The following TLN2 variants were observed in gnomAD, a reference collection of about 807,000 sequenced individuals.
The protein encoded by TLN2 is talin-2.
TLN2 carries 118 observed loss-of-function variants against 294.7 expected under a neutral mutation model. The ratio of observed to expected loss-of-function variants is 0.40; its 90% CI spans 0.34 to 0.47. The LOEUF (loss-of-function observed/expected upper bound fraction) is 0.47, where lower values mean the gene tolerates loss of function less well. Among genes scored for constraint, TLN2 ranks in the 20% least tolerant of loss-of-function variants. The pLI is 0.84. For synonymous variants in TLN2, 1,431 were observed against 1,304.5 expected, an observed-to-expected ratio of 1.10 and a Z score of -2.09; for missense variants, 3,083 against 3,282.2, an observed-to-expected ratio of 0.94 and a Z score of 1.48.
chr15:62,499,704 C>G (rs1294105579), intron 1 of TLN2, among the ~76,000 whole-genome samples: 1 of 152,078 alleles, frequency 6.6e-6, no homozygotes, highest in East Asian at 1.9e-4. Flanking sequence ...TGGGTTCAAG[C>G]AATTCTCCTG....
chr15:62,702,367 A>G (rs1595717850), intron 18 of TLN2, among the ~76,000 whole-genome samples, 167 bp downstream of exon 18: 1 of 152,298 alleles, frequency 6.6e-6, no homozygotes, highest in East Asian at 1.9e-4. Flanking sequence ...GCTCATCCAC[A>G]TTCAGGAGTG....
intron 1 of TLN2, among the ~76,000 whole-genome samples, chr15:62,558,757 G>C (rs1167378685): frequency 6.6e-6 from 1 of 152,118 alleles, no homozygotes; most frequent in East Asian, 1.9e-4. Context: ...GTTGGGGGAA[G>C]ATAAGTAACT....
At chr15:62,491,086 C>A (rs1041817279) in intron 1 of TLN2, among the ~76,000 whole-genome samples, 2 of 152,076 alleles carry the variant, frequency 1.3e-5, no homozygotes, top group Non-Finnish European at 2.9e-5. Context: ...CTGTGGGAGG[C>A]CGAGGCAGGC....
At chr15:62,478,208 G>A (rs898292250) in intron 1 of TLN2, among the ~76,000 whole-genome samples, 1 of 152,158 alleles carries the variant, frequency 6.6e-6, no homozygotes, top group African/African-American at 2.4e-5. Context: ...CAGCGAGAGT[G>A]TGCAGTCAGG....
intron 28 of TLN2, among the ~76,000 whole-genome samples, chr15:62,733,270 C>G (rs1327065496): frequency 6.6e-6 from 1 of 152,136 alleles, no homozygotes; most frequent in African/African-American, 2.4e-5. Flanking sequence ...ACTTAAGCAT[C>G]CATTAGCTTT....
intron 2 of TLN2, among the ~76,000 whole-genome samples, chr15:62,605,710 G>T (rs543675408): frequency 6.6e-5 from 10 of 152,236 alleles, no homozygotes; most frequent in South Asian, 6.2e-4. Flanking sequence ...CTTGTGACTC[G>T]GTTGAACACC....
chr15:62,423,230 CAAA>C (rs1331619088), intron 1 of TLN2, among the ~76,000 whole-genome samples: 1 of 152,068 alleles, frequency 6.6e-6, no homozygotes, highest in Non-Finnish European at 1.5e-5. Context: ...CTCGTCTCTA[CAAA>C]AAAATTATCT....
intron 36 of TLN2, 163 bp from the exon 37 acceptor site, chr15:62,755,369 C>G (rs1595887902): frequency 2.5e-6 from 2 of 796,266 alleles, no homozygotes; most frequent in Admixed American, 6.7e-5. Context: ...ATTTCTTGCC[C>G]TCCTCTTTCT....
intron 1 of TLN2, among the ~76,000 whole-genome samples, chr15:62,391,245 T>G (rs1396315867): frequency 6.6e-6 from 1 of 152,264 alleles, no homozygotes. Context: ...GCGGAGTTCC[T>G]TCTCCGGTGC....
intron 52 of TLN2, among the ~76,000 whole-genome samples, chr15:62,817,676 C>G (rs1210005773): frequency 6.6e-6 from 1 of 152,040 alleles, no homozygotes; most frequent in East Asian, 1.9e-4. Flanking sequence ...AACCATCTTT[C>G]CAGATTCCTG....
At chr15:62,729,844 T>G (rs1282720408) in intron 28 of TLN2, among the ~76,000 whole-genome samples, 1 of 152,110 alleles carries the variant, frequency 6.6e-6, no homozygotes, top group African/African-American at 2.4e-5. Context: ...GCTTGCCTCC[T>G]TTCAGATTCA....
intron 1 of TLN2, among the ~76,000 whole-genome samples, chr15:62,392,754 G>C (rs1566937677): frequency 6.6e-6 from 1 of 152,192 alleles, no homozygotes; most frequent in Non-Finnish European, 1.5e-5. Flanking sequence ...TCTGGGGTTG[G>C]GGGTTAGGTG....
In TLN2 at chr15:62,840,551, C is replaced by G; in HGVS notation, c.7570C>G (p.Gln2524Glu). Residue 2524 changes from glutamine (Q) to glutamate (E), a missense_variant, in exon 59 of 59, where the codon CAA becomes GAA. Physicochemically the swap from Gln to Glu is conservative, Grantham distance 29 (BLOSUM62 2). Coordinates refer to ENST00000636159, the MANE Select transcript of TLN2 (RefSeq NM_015059.3). ...GGAAGAAGCAAGGAAAAAACTGGCC[C>G]AAATCCGCCAGCAGCAGTATAAGTT... ...ELEEARKKLAQIRQQQYKFLP... is the reference protein window; with the variant it reads ...ELEEARKKLAEIRQQQYKFLP... 6.2e-7 allele frequency: 1 copy of G among 1,614,196 alleles called. No homozygotes were observed.
At chr15:62,746,081 G>A (rs2061593382) in intron 32 of TLN2, among the ~76,000 whole-genome samples, 1 of 152,150 alleles carries the variant, frequency 6.6e-6, no homozygotes, top group Non-Finnish European at 1.5e-5. Context: ...CTTTCCCACA[G>A]CTGTATATCC....
chr15:62,518,606 TG>T (rs2040302632), intron 1 of TLN2, among the ~76,000 whole-genome samples: 1 of 152,120 alleles, frequency 6.6e-6, no homozygotes, highest in African/African-American at 2.4e-5. Flanking sequence ...TTTTTTTGTT[TG>T]TTTTTTTGAG....
At chr15:62,679,628 A>G (rs535845457) in intron 11 of TLN2, among the ~76,000 whole-genome samples, 1 of 152,350 alleles carries the variant, frequency 6.6e-6, no homozygotes, top group Admixed American at 6.5e-5. Context: ...AGATAGGGGA[A>G]TGATGGCTAA....
Position 62,736,945 on chromosome 15 carries a change from A to T in TLN2, c.3426A>T (p.Ala1142=), listed in dbSNP as rs375023803. The T allele has an allele frequency of 6.2e-7, 1 of 1,614,092 alleles. No homozygotes were observed. Among genetic ancestry groups the T allele is most frequent in the Non-Finnish European group, 8.5e-7 (1 of 1,180,056 alleles). Residue 1142 remains alanine, a synonymous_variant, in exon 29 of 59, where the codon GCA becomes GCT. Coordinates refer to ENST00000636159, the MANE Select transcript of TLN2 (RefSeq NM_015059.3). ...CCCAGGCCGCCCGTGGAGTGGCTGC[A>T]TCGACAACCGACCCCGCGGCCGCCC... The part of the protein sequence containing the change: ...TLAQAARGVA[A]STTDPAAAHA...
At position 62,800,760 on chromosome 15, in the gene TLN2, G is replaced by C. The variant is rs760407152; in HGVS notation, c.6468G>C (p.Gln2156His). Residue 2156 changes from glutamine (Q) to histidine (H), a missense_variant, in exon 50 of 59, where the codon CAG becomes CAC. Physicochemically the swap from Gln to His is conservative, Grantham distance 24. Transcript: ENST00000636159. Reference protein sequence around the residue: ...ALEATIECIKQELTVFQSKDV... With the variant: ...ALEATIECIKHELTVFQSKDV... ...AGGCCACAATTGAATGCATAAAGCA[G>C]GAGCTTACGGTAAGGAGCCAGCAGT... is the stretch of plus-strand genomic sequence containing the variant. 1.9e-6 allele frequency: 3 copies of C among 1,611,244 alleles called. No individual in the cohort carries two copies. Among genetic ancestry groups the C allele is most frequent in the Non-Finnish European group, 2.5e-6 (3 of 1,178,780 alleles).
chr15:62,630,458 G>T (rs551455679), intron 3 of TLN2, among the ~76,000 whole-genome samples: 1 of 152,262 alleles, frequency 6.6e-6, no homozygotes, highest in South Asian at 2.1e-4. Flanking sequence ...CATACTGGTG[G>T]GACTTAGCCC....
Sources: allele counts gnomAD v4.1 joint callset (sites outside exome capture counted in the v4.1 genomes callset), GRCh38; gene constraint gnomAD v4.1.1; transcripts MANE v1.5; gene names NCBI Gene and HGNC (gene_info 2026-07-23, HGNC 2026-07-21).